The following METTL9 variants were observed in gnomAD, a reference collection of about 807,000 sequenced individuals.
METTL9 encodes the protein protein-L-histidine N-pros-methyltransferase.
In METTL9, 10 loss-of-function variants were observed where a neutral mutation model predicts 36.0. That is an observed-to-expected ratio of 0.28 (90% CI 0.17 to 0.47). The LOEUF is 0.47. METTL9 is among the 20% of genes least tolerant of loss of function. The pLI, the probability that METTL9 is intolerant of heterozygous loss-of-function variation, is 0.99. For missense variants in METTL9, 246 were observed against 383.5 expected, an observed-to-expected ratio of 0.64 and a Z score of 3.00; for synonymous variants, 175 against 149.7, an observed-to-expected ratio of 1.17 and a Z score of -1.23.
chr16:21,631,617 T>C (rs182663248), intron 4 of METTL9, among the ~76,000 whole-genome samples: 1 of 152,360 alleles, frequency 6.6e-6, no homozygotes, highest in East Asian at 1.9e-4. Flanking sequence ...TCTATCGTCC[T>C]GTCCTGAAGG....
At chr16:21,639,239 G>A (rs531284650) in intron 4 of METTL9, among the ~76,000 whole-genome samples, 1 of 152,224 alleles carries the variant, frequency 6.6e-6, no homozygotes, top group African/African-American at 2.4e-5. Flanking sequence ...CCGTATTTCA[G>A]CTTCAAAATC....
chr16:21,643,027 G>T (rs367715461), intron 4 of METTL9: 4 of 1,306,748 alleles, frequency 3.1e-6, no homozygotes, highest in Non-Finnish European at 4.4e-6. Context: ...TTTTTCAAAC[G>T]TGCTTTATAT....
rs1965045310 is a variant in METTL9, at chr16:21,599,624, G to A, written c.-110G>A. The A allele has an allele frequency of 1.9e-5, 26 of 1,333,908 alleles. No individual in the cohort carries two copies. Among genetic ancestry groups the A allele is most frequent in the Non-Finnish European group, 2.4e-5 (25 of 1,050,894 alleles). The allele number at this position is 1,333,908 out of a possible 1,614,324, so 82.6% of individuals were successfully genotyped here. On this transcript the variant is annotated 5_prime_UTR_variant, in exon 1 of 5. Transcript: ENST00000358154. The surrounding 1 kb of genome is among the most constrained non-coding windows in gnomAD (Gnocchi z 4.4). Reference sequence around the variant, plus strand: ...CTGAAGGGGGCTGGATGGGCAAGGCGGCCGCGATGGCTCGAGCTCGGGCGG... The same window carrying A: ...CTGAAGGGGGCTGGATGGGCAAGGCAGCCGCGATGGCTCGAGCTCGGGCGG...
At chr16:21,621,174 G>GTT (rs1965684350) in intron 3 of METTL9, among the ~76,000 whole-genome samples, 1 of 151,608 alleles carries the variant, frequency 6.6e-6, no homozygotes, top group South Asian at 2.1e-4. Flanking sequence ...GTGTGTGTGT[G>GTT]TTTTTGTGTG....
At chr16:21,605,105 A>G in intron 1 of METTL9, among the ~76,000 whole-genome samples, 1 of 151,920 alleles carries the variant, frequency 6.6e-6, no homozygotes, top group East Asian at 1.9e-4. Context: ...GAGAGAGAGA[A>G]GAGACTTGCT....
intron 3 of METTL9, among the ~76,000 whole-genome samples, chr16:21,618,700 A>ATTTTC (rs771846359): frequency 4.0e-5 from 6 of 150,490 alleles, no homozygotes; most frequent in African/African-American, 1.2e-4. Context: ...ATGGGCCAAA[A>ATTTTC]TTTTCTTTTC....
At chr16:21,643,665 C>A in intron 4 of METTL9, 2 of 1,020,530 alleles carry the variant, frequency 2.0e-6, no homozygotes, top group South Asian at 2.7e-5. Flanking sequence ...GCAGATATCT[C>A]ATGCCCTAAT....
intron 4 of METTL9, among the ~76,000 whole-genome samples, chr16:21,632,682 A>G (rs919473512): frequency 3.3e-5 from 5 of 152,158 alleles, no homozygotes; most frequent in Non-Finnish European, 5.9e-5. Context: ...GGCACCTAGT[A>G]TGCCACTTAC....
At chr16:21,646,217 T>C (rs1385061410) in intron 4 of METTL9, among the ~76,000 whole-genome samples, 2 of 152,012 alleles carry the variant, frequency 1.3e-5, no homozygotes, top group African/African-American at 2.4e-5. Context: ...CTTGGTGAAA[T>C]TACTGATAGG....
intron 3 of METTL9, among the ~76,000 whole-genome samples, chr16:21,622,702 A>G (rs1597756447): frequency 6.6e-6 from 1 of 152,202 alleles, no homozygotes; most frequent in African/African-American, 2.4e-5. Flanking sequence ...TTGAGCTTCT[A>G]TAGGTATAGA....
intron 1 of METTL9, among the ~76,000 whole-genome samples, chr16:21,603,916 T>C (rs1965206474): frequency 6.6e-6 from 1 of 152,244 alleles, no homozygotes; most frequent in African/African-American, 2.4e-5. Flanking sequence ...AGAACTGCGC[T>C]ATGCCACAAG....
intron 2 of METTL9, among the ~76,000 whole-genome samples, chr16:21,613,203 T>A (rs1431998846): frequency 7.3e-6 from 1 of 136,504 alleles, no homozygotes; most frequent in Non-Finnish European, 1.5e-5. Context: ...TTTTTTTTTT[T>A]TAAAGACAGT....
intron 4 of METTL9, among the ~76,000 whole-genome samples, chr16:21,629,247 C>T (rs1383790091): frequency 6.6e-6 from 1 of 152,042 alleles, no homozygotes; most frequent in African/African-American, 2.4e-5. Context: ...CCCCACCCCC[C>T]ATCGTGATGG....
intron 4 of METTL9, chr16:21,652,611 CG>C (rs1966608450): frequency 6.2e-7 from 1 of 1,604,014 alleles, no homozygotes; most frequent in African/African-American, 1.3e-5. Flanking sequence ...CTGTGTATGC[CG>C]GGGCGGGTTG....
chr16:21,604,802 T>G (rs1965230800), intron 1 of METTL9, among the ~76,000 whole-genome samples: 1 of 152,134 alleles, frequency 6.6e-6, no homozygotes, highest in Non-Finnish European at 1.5e-5. Flanking sequence ...TCCTGAGCAG[T>G]GGAGCTTTTC....
intron 3 of METTL9, among the ~76,000 whole-genome samples, chr16:21,618,342 C>CA (rs548944320): frequency 6.6e-6 from 1 of 151,834 alleles, no homozygotes; most frequent in African/African-American, 2.4e-5. Context: ...GTGGCATTCT[C>CA]AAAAAAAATT....
chr16:21,644,613 C>T lies in METTL9; in HGVS notation c.752-10614C>T, dbSNP rs545555133. 1.5e-3 allele frequency among the ~76,000 whole-genome samples: 229 copies of T among 152,222 alleles called. 1 individual carries two copies. The highest frequency in any genetic ancestry group is 3.4e-3 in the Middle Eastern group (1 of 294). On this transcript the variant is annotated intron_variant, in intron 4 of 4. Coordinates refer to ENST00000358154, the MANE Select transcript of METTL9 (RefSeq NM_016025.5). Reference sequence around the variant, plus strand: ...AATGTGTTAAACCAAAAATGTTACTCGTTTTTAAACATTAAAAAAATTCAA... The same window carrying T: ...AATGTGTTAAACCAAAAATGTTACTTGTTTTTAAACATTAAAAAAATTCAA...
chr16:21,641,390 T>G, intron 4 of METTL9: 2 of 479,168 alleles, frequency 4.2e-6, no homozygotes, highest in Non-Finnish European at 7.5e-6. Context: ...ATAGTTTCCT[T>G]ACATTCTGAC....
rs1293269191 is a variant in METTL9 at position 21,656,653 on chromosome 16, A to G, written c.*1221A>G. ...AGATTGTGGTTATTAACAATATGTT[A>G]TCCTCACTACTTTATTTCTTTTTTC... On this transcript the variant is annotated 3_prime_UTR_variant, in exon 5 of 5. Transcript: ENST00000358154. 1 of 152,224 alleles carries G rather than the reference A, an allele frequency of 6.6e-6. No homozygotes were observed. The highest frequency in any genetic ancestry group is 1.5e-5 in the Non-Finnish European group (1 of 68,042). 9.4% of individuals were successfully genotyped at this position (152,224 alleles called of 1,614,324 possible). A position where few individuals can be genotyped will look rare whatever the true frequency, so the allele number is the denominator to read the frequency against.
Sources: allele counts gnomAD v4.1 joint callset (sites outside exome capture counted in the v4.1 genomes callset), GRCh38; gene constraint gnomAD v4.1.1; non-coding constraint Gnocchi (gnomAD v3.1); transcripts MANE v1.5; gene names NCBI Gene and HGNC (gene_info 2026-07-23, HGNC 2026-07-21).